The following CTNNA2 variants were observed in gnomAD, a reference collection of about 807,000 sequenced individuals.
CTNNA2 encodes the protein catenin alpha-2.
A neutral mutation model predicts 101.0 loss-of-function variants in CTNNA2; 42 were observed. The ratio of observed to expected loss-of-function variants is 0.42; its 90% CI spans 0.32 to 0.54. The LOEUF is 0.54. Among genes scored for constraint, CTNNA2 ranks in the 20% least tolerant of loss-of-function variants. The probability of loss-of-function intolerance (pLI) is 0.14; values close to 1 mark genes in which losing one functional copy is unlikely to be tolerated. For synonymous variants in CTNNA2, 450 were observed against 456.4 expected (o/e 0.99, Z 0.18); for missense variants, 871 against 1,223.1 (o/e 0.71, Z 4.29).
intron 9 of CTNNA2, among the ~76,000 whole-genome samples, chr2:80,513,379 T>C (rs950530678): frequency 2.6e-5 from 4 of 152,258 alleles, no homozygotes; most frequent in African/African-American, 7.2e-5. Flanking sequence ...CTTTAGCAAA[T>C]GTGTGTGAGC....
chr2:79,481,483 C>CA lies in CTNNA2; in HGVS notation c.-134-23562dup, dbSNP rs571810619. Among the ~76,000 whole-genome samples the CA allele has an allele frequency of 4.6e-3, 676 of 147,804 alleles. 5 individuals are homozygous for CA. The highest frequency in any genetic ancestry group is 0.015 in the African/African-American group (593 of 40,320). On this transcript the variant is annotated intron_variant, in intron 4 of 21. Coordinates refer to the CTNNA2 transcript ENST00000466387. Reference sequence around the variant, plus strand: ...TCTTTTCCTGAGATCATACAAGAGGCAAAAAAAAAGAAGTTTACAATACTG... The same window carrying CA: ...TCTTTTCCTGAGATCATACAAGAGGCAAAAAAAAAAGAAGTTTACAATACTG...
At chr2:80,046,088 C>T (rs1019394371) in intron 7 of CTNNA2, among the ~76,000 whole-genome samples, 6 of 152,194 alleles carry the variant, frequency 3.9e-5, no homozygotes, top group African/African-American at 1.4e-4. Context: ...GCCCTTTCCT[C>T]TGCATTCTTA....
chr2:80,206,504 C>A (rs1450506081), intron 7 of CTNNA2, among the ~76,000 whole-genome samples: 1 of 152,188 alleles, frequency 6.6e-6, no homozygotes, highest in Admixed American at 6.5e-5. Flanking sequence ...TTTTGAAATT[C>A]AAGTGTTTAA....
At chr2:80,553,752 T>C (rs1467556251) in intron 11 of CTNNA2, among the ~76,000 whole-genome samples, 1 of 152,200 alleles carries the variant, frequency 6.6e-6, no homozygotes, top group Non-Finnish European at 1.5e-5. Context: ...TTAATTGTCT[T>C]AAGAAATTCT....
At chr2:80,326,481 T>C (rs964460297) in intron 7 of CTNNA2, among the ~76,000 whole-genome samples, 1 of 152,144 alleles carries the variant, frequency 6.6e-6, no homozygotes, top group Admixed American at 6.5e-5. Context: ...CTGCCCCCCT[T>C]GCCTCTCCCT....
At chr2:79,628,862 C>G (rs1388464236) in intron 1 of CTNNA2, among the ~76,000 whole-genome samples, 1 of 152,208 alleles carries the variant, frequency 6.6e-6, no homozygotes, top group Non-Finnish European at 1.5e-5. Context: ...TTCTTCACCA[C>G]TCTTTGCAGC....
At chr2:79,558,191 GC>G (rs1674558983) in intron 1 of CTNNA2, among the ~76,000 whole-genome samples, 1 of 151,824 alleles carries the variant, frequency 6.6e-6, no homozygotes, top group African/African-American at 2.4e-5. Context: ...AACTGAACAT[GC>G]CCACAAGTGT....
chr2:79,448,178 G>T (rs1171348045), intron 4 of CTNNA2, among the ~76,000 whole-genome samples: 1 of 151,932 alleles, frequency 6.6e-6, no homozygotes, highest in East Asian at 1.9e-4. Context: ...ATGAAACCTT[G>T]GTGAATCTTA....
chr2:79,841,688 C>T (rs750858276), intron 3 of CTNNA2, among the ~76,000 whole-genome samples: 3 of 152,138 alleles, frequency 2.0e-5, no homozygotes, highest in Admixed American at 6.5e-5. Flanking sequence ...TCTTTATATG[C>T]GCAATCAACG....
At chr2:80,057,791 T>G (rs750596649) in intron 7 of CTNNA2, among the ~76,000 whole-genome samples, 3 of 152,192 alleles carry the variant, frequency 2.0e-5, no homozygotes, top group Non-Finnish European at 2.9e-5. Flanking sequence ...CAAAAACATT[T>G]GGATTTCTTT....
At chr2:79,387,601 C>T (rs995044735) in intron 4 of CTNNA2, among the ~76,000 whole-genome samples, 7 of 152,190 alleles carry the variant, frequency 4.6e-5, no homozygotes. Context: ...CTCATAGTCC[C>T]TGCTTCAGCA....
At chr2:79,957,259 G>T (rs1020278642) in intron 7 of CTNNA2, among the ~76,000 whole-genome samples, 7 of 152,140 alleles carry the variant, frequency 4.6e-5, no homozygotes, top group African/African-American at 1.7e-4. Flanking sequence ...TGGTCATTAT[G>T]CATCTTGTCC....
chr2:80,161,100 A>G (rs913155166), intron 7 of CTNNA2, among the ~76,000 whole-genome samples: 3 of 152,134 alleles, frequency 2.0e-5, no homozygotes, highest in African/African-American at 7.2e-5. Flanking sequence ...ACTGCAGTGC[A>G]GGGATGTGAT....
intron 4 of CTNNA2, among the ~76,000 whole-genome samples, chr2:79,456,381 T>C (rs1670820821): frequency 6.6e-6 from 1 of 152,084 alleles, no homozygotes; most frequent in African/African-American, 2.4e-5. Context: ...TTAATAAAGA[T>C]TCTTAAAGCC....
Position 79,321,025 on chromosome 2 carries a change from G to A in CTNNA2, c.-318+8229G>A, listed in dbSNP as rs73938189. Among the ~76,000 whole-genome samples the A allele has an allele frequency of 3.2e-3, 487 of 152,218 alleles. 7 individuals are homozygous for A. The highest frequency in any genetic ancestry group is 0.01 in the African/African-American group (425 of 41,542). ...CTTAGAGTATCTCAAGGTCATAATT[G>A]TAGATAATACTGTAATGGATTTGGC... On this transcript the variant is annotated intron_variant, in intron 3 of 21. Transcript: ENST00000466387.
At chr2:80,154,349 G>A (rs1703880816) in intron 7 of CTNNA2, among the ~76,000 whole-genome samples, 1 of 152,138 alleles carries the variant, frequency 6.6e-6, no homozygotes. Flanking sequence ...TTCAGGTGGT[G>A]CCCTGAAAAA....
chr2:80,523,124 G>T (rs1689715608), intron 9 of CTNNA2, among the ~76,000 whole-genome samples: 1 of 152,134 alleles, frequency 6.6e-6, no homozygotes, highest in African/African-American at 2.4e-5. Flanking sequence ...CATCTAACAA[G>T]GAAGTATTGA....
chr2:80,207,535 A>T (rs1416539082), intron 7 of CTNNA2, among the ~76,000 whole-genome samples: 2 of 152,168 alleles, frequency 1.3e-5, no homozygotes, highest in Non-Finnish European at 2.9e-5. Flanking sequence ...GGCATTAGGG[A>T]TGAGGAAGTG....
At chr2:80,356,477 C>G (rs1450517682) in intron 7 of CTNNA2, among the ~76,000 whole-genome samples, 1 of 152,140 alleles carries the variant, frequency 6.6e-6, no homozygotes, top group Non-Finnish European at 1.5e-5. Flanking sequence ...CTGAGCTATT[C>G]TCATCCAATA....
Sources: allele counts gnomAD v4.1 joint callset (sites outside exome capture counted in the v4.1 genomes callset), GRCh38; gene constraint gnomAD v4.1.1; transcripts MANE v1.5; gene names NCBI Gene and HGNC (gene_info 2026-07-23, HGNC 2026-07-21).